Variants in ALDH1L2 observed in about 807,000 individuals in gnomAD.
ALDH1L2 encodes aldehyde dehydrogenase 1 family member L2, also known as mitochondrial 10-formyltetrahydrofolate dehydrogenase.
In ALDH1L2, 91 loss-of-function variants were observed where a neutral mutation model predicts 111.0. The observed-to-expected ratio is 0.82, with a 90% confidence interval of 0.69 to 0.98. The LOEUF is 0.98. Among genes scored for constraint, ALDH1L2 ranks in the 50% least tolerant of loss-of-function variants. ALDH1L2 has a pLI of 0.00. For missense variants in ALDH1L2, 995 were observed against 1,126.8 expected, an observed-to-expected ratio of 0.88 and a Z score of 1.67; for synonymous variants, 374 against 392.6, an observed-to-expected ratio of 0.95 and a Z score of 0.56.
intron 1 of ALDH1L2, among the ~76,000 whole-genome samples, chr12:105,077,026 A>G (rs528604240): frequency 6.6e-6 from 1 of 152,310 alleles, no homozygotes; most frequent in South Asian, 2.1e-4. Context: ...AGGCTTTCCT[A>G]TGCTGAAAGT....
At chr12:105,046,221 A>ATTTTTTTT (rs869078154) in intron 15 of ALDH1L2, among the ~76,000 whole-genome samples, 3 of 21,788 alleles carry the variant, frequency 1.4e-4, no homozygotes, top group African/African-American at 2.0e-4. Context: ...ATATATATAT[A>ATTTTTTTT]TTTTTTTTTT....
At chr12:105,030,620 C>T (rs1183570135) in intron 20 of ALDH1L2, among the ~76,000 whole-genome samples, 191 bp from the exon 21 acceptor site, 2 of 152,004 alleles carry the variant, frequency 1.3e-5, no homozygotes, top group African/African-American at 4.8e-5. Flanking sequence ...ATGAAAATGT[C>T]AAACCTATGT....
chr12:105,067,020 A>G (rs1042837660), intron 4 of ALDH1L2, among the ~76,000 whole-genome samples: 1 of 152,126 alleles, frequency 6.6e-6, no homozygotes, highest in Admixed American at 6.5e-5. Context: ...CGAAGTCAGG[A>G]GATCGAGGCC....
At chr12:105,083,585 C>T (rs1161372737) in intron 1 of ALDH1L2, among the ~76,000 whole-genome samples, 1 of 152,058 alleles carries the variant, frequency 6.6e-6, no homozygotes, top group African/African-American at 2.4e-5. Flanking sequence ...CTTTTATGTA[C>T]TTCCTATAAA....
chr12:105,067,215 C>CAAAAAAAAAAAAAAAA (rs11334156), intron 4 of ALDH1L2, among the ~76,000 whole-genome samples: 1 of 97,242 alleles, frequency 1.0e-5, no homozygotes, highest in Non-Finnish European at 2.1e-5. Context: ...GACTCTGTCT[C>CAAAAAAAAAAAAAAAA]AAAAAAAAAA....
intron 13 of ALDH1L2, chr12:105,048,492 C>G (rs184343864): frequency 1.5e-4 from 23 of 152,302 alleles, no homozygotes; most frequent in African/African-American, 5.3e-4. Flanking sequence ...CTCCCCCTTT[C>G]TCACTTCCTT....
chr12:105,066,021 C>A (rs934283754), intron 5 of ALDH1L2, among the ~76,000 whole-genome samples: 2 of 152,082 alleles, frequency 1.3e-5, no homozygotes, highest in Non-Finnish European at 2.9e-5. Flanking sequence ...ACTGTGTTGG[C>A]CAGGCTGGTC....
chr12:105,039,387 C>A (rs1179144214), intron 17 of ALDH1L2, among the ~76,000 whole-genome samples: 1 of 152,066 alleles, frequency 6.6e-6, no homozygotes, highest in Non-Finnish European at 1.5e-5. Flanking sequence ...ATATAAATTT[C>A]ACATTTATGT....
intron 1 of ALDH1L2, among the ~76,000 whole-genome samples, chr12:105,083,332 C>T (rs1414323656): frequency 6.6e-6 from 1 of 151,666 alleles, no homozygotes; most frequent in Non-Finnish European, 1.5e-5. Flanking sequence ...TCCCCACCCC[C>T]ACCCCTCGTT....
intron 21 of ALDH1L2, 119 bp downstream of exon 21, chr12:105,030,205 T>C (rs985691466): frequency 1.7e-6 from 1 of 591,974 alleles, no homozygotes; most frequent in East Asian, 3.4e-5. Context: ...AAGTTAATTA[T>C]TCTTATGGTA....
Position 105,061,005 on chromosome 12 carries a change from C to T in ALDH1L2, c.1115G>A (p.Gly372Glu), listed in dbSNP as rs1158195320. Residue 372 changes from glycine (G) to glutamate (E), a missense_variant, in exon 9 of 23, where the codon GGA becomes GAA. Transcript: ENST00000258494. ...IEDSTDFFKS[G>E]ASSMDVARLV... is the part of the protein sequence containing the mutation. ...CCTGGCAACATCCATTGAGCTTGCT[C>T]CAGATTTAAAGAAGTCTGTTGAGTC... 4.3e-6 allele frequency: 7 copies of T among 1,613,814 alleles called. No homozygotes were observed. Among genetic ancestry groups the T allele is most frequent in the Non-Finnish European group, 5.9e-6 (7 of 1,179,934 alleles).
rs117734651 is a variant in ALDH1L2, at chr12:105,046,681, A to G, written c.1863+29T>C. ...AGTACTGGATATAAGAGAGGAGGCA[A>G]TTCTGCACCTGGCCCTTTGTGGCCT... On this transcript the variant is annotated intron_variant, in intron 15 of 22. Transcript: ENST00000258494. The G allele has an allele frequency of 4.9e-3, 7,869 of 1,593,144 alleles. 342 individuals are homozygous for G. The East Asian group carries it at 0.11, about 23-fold the overall frequency.
chr12:105,055,632 CA>C (rs1387148094), intron 10 of ALDH1L2, among the ~76,000 whole-genome samples: 1 of 151,986 alleles, frequency 6.6e-6, no homozygotes, highest in African/African-American at 2.4e-5. Context: ...GAAAGATTTT[CA>C]ATAAGCTTTT....
chr12:105,041,865 C>G (rs1363456528), intron 15 of ALDH1L2, among the ~76,000 whole-genome samples: 1 of 130,320 alleles, frequency 7.7e-6, no homozygotes, highest in African/African-American at 2.7e-5. Context: ...TCTGACGTGC[C>G]CCTATTACTT....
At chr12:105,079,255 C>T (rs2136116305) in intron 1 of ALDH1L2, among the ~76,000 whole-genome samples, 1 of 152,252 alleles carries the variant, frequency 6.6e-6, no homozygotes, top group East Asian at 1.9e-4. Context: ...AACAAACTCT[C>T]ATACTAACAG....
intron 1 of ALDH1L2, chr12:105,074,307 A>C: frequency 4.2e-6 from 1 of 239,998 alleles, no homozygotes; most frequent in Non-Finnish European, 8.3e-6. Context: ...AAAATACAAA[A>C]ATTAGCCAGA....
rs530979336 is a variant in ALDH1L2, at chr12:105,022,059, G to T, written c.*2365C>A. 1.3e-5 allele frequency: 2 copies of T among 152,154 alleles called. No individual in the cohort carries two copies. The highest frequency in any genetic ancestry group is 2.4e-5 in the African/African-American group (1 of 41,430). 9.4% of individuals were successfully genotyped at this position (152,154 alleles called of 1,614,324 possible). ...CTTAGCATTATTAGCAAAATAATCC[G>T]TGATCTAAAGCAACAGCGATGATTT... On this transcript the variant is annotated 3_prime_UTR_variant, in exon 23 of 23. Transcript: ENST00000258494.
rs1874114272 is a variant in ALDH1L2 at position 105,020,625 on chromosome 12, A to C, written c.*3799T>G. 6.6e-6 allele frequency: 1 copy of C among 152,258 alleles called. No homozygotes were observed. Among genetic ancestry groups the C allele is most frequent in the African/African-American group, 2.4e-5 (1 of 41,474 alleles). The allele number at this position is 152,258 out of a possible 1,614,324, so 9.4% of individuals were successfully genotyped here. On this transcript the variant is annotated 3_prime_UTR_variant, in exon 23 of 23. Transcript: ENST00000258494. ...AGTGCTATGAAAATAATGCACTTAT[A>C]AAAAGAATAAAGAATGACAGCAGAT...
chr12:105,047,790 G>A (rs1876009501), intron 13 of ALDH1L2: 1 of 152,072 alleles, frequency 6.6e-6, no homozygotes, highest in South Asian at 2.1e-4. Flanking sequence ...GTTATGTTTT[G>A]GAATTCAGAA....
Sources: gnomAD v4.1 joint callset for allele counts (sites outside exome capture counted in the v4.1 genomes callset) on GRCh38, gnomAD v4.1.1 for gene constraint, MANE v1.5 for transcripts, NCBI Gene and HGNC (gene_info 2026-07-23, HGNC 2026-07-21) for gene names.